SPAG16: variants seen among roughly 807,000 people sequenced by gnomAD.
SPAG16 encodes sperm associated antigen 16.
Under a neutral mutation model 80.4 loss-of-function variants are expected in SPAG16, and 86 were observed. The observed-to-expected ratio is 1.07, with a 90% CI of 0.90 to 1.28. SPAG16 has a LOEUF of 1.28. SPAG16 is among the 50% of genes most tolerant of loss of function. The pLI, the probability that SPAG16 is intolerant of heterozygous loss-of-function variation, is 0.00. For missense variants in SPAG16, 870 were observed against 765.3 expected (o/e 1.14, Z -1.61); for synonymous variants, 294 against 265.9 (o/e 1.11, Z -1.03).
intron 10 of SPAG16, among the ~76,000 whole-genome samples, chr2:213,542,818 T>C (rs1037559897): frequency 6.6e-6 from 1 of 152,140 alleles, no homozygotes; most frequent in Non-Finnish European, 1.5e-5. Context: ...TTACTTGAAT[T>C]GTGGAAACAT....
chr2:213,824,559 T>C (rs1401699154), intron 10 of SPAG16, among the ~76,000 whole-genome samples: 2 of 152,194 alleles, frequency 1.3e-5, no homozygotes, highest in Admixed American at 1.3e-4. Context: ...TGTAGATATA[T>C]GTATTTGTTT....
intron 9 of SPAG16, among the ~76,000 whole-genome samples, chr2:213,460,021 T>G (rs1285573229): frequency 6.6e-6 from 1 of 152,216 alleles, no homozygotes; most frequent in African/African-American, 2.4e-5. Context: ...ATCATATTCT[T>G]GGCCAGAGAT....
At chr2:213,288,786 G>A (rs545587064) in intron 1 of SPAG16, among the ~76,000 whole-genome samples, 19 of 152,050 alleles carry the variant, frequency 1.2e-4, no homozygotes, top group African/African-American at 4.3e-4. Context: ...GTTATAAAAT[G>A]GTACTTCTCT....
chr2:213,749,329 G>A (rs193015992), intron 10 of SPAG16, among the ~76,000 whole-genome samples: 1 of 151,406 alleles, frequency 6.6e-6, no homozygotes, highest in African/African-American at 2.4e-5. Flanking sequence ...ATATTTTTCT[G>A]TATTCTCCCA....
rs533652805 is a variant in SPAG16 at position 213,433,972 on chromosome 2, G to T, written c.943-55991G>T. Among the ~76,000 whole-genome samples, 65 of 134,936 alleles carry T rather than the reference G, an allele frequency of 4.8e-4. 1 individual carries two copies. Among genetic ancestry groups the T allele is most frequent in the African/African-American group, 1.8e-3 (63 of 35,854 alleles). The allele number at this position is 134,936 out of a possible 152,430, so 88.5% of individuals were successfully genotyped here. A position where few individuals can be genotyped will look rare whatever the true frequency, so the allele number is the denominator to read the frequency against. ...TCTCGTTCTTGTCACCCCGGCTAGA[G>T]TGCAATGGCCCTATTTTGGCTCACT... On this transcript the variant is annotated intron_variant, in intron 9 of 15. Coordinates refer to ENST00000331683, the MANE Select transcript of SPAG16 (RefSeq NM_024532.5).
intron 9 of SPAG16, among the ~76,000 whole-genome samples, chr2:213,433,241 G>A (rs1269569024): frequency 6.6e-6 from 1 of 151,480 alleles, no homozygotes; most frequent in Non-Finnish European, 1.5e-5. Flanking sequence ...ACTTAGAATG[G>A]AAGTCCTAGC....
Position 213,465,318 on chromosome 2 carries a change from C to G in SPAG16, c.943-24645C>G, listed in dbSNP as rs77063119. On this transcript the variant is annotated intron_variant, in intron 9 of 15. Coordinates refer to ENST00000331683, the MANE Select transcript of SPAG16 (RefSeq NM_024532.5). ...ACTCAGCTAGTTGAGCACTTGCACC[C>G]GAGAAAACAGGTGCACTCACAATAG... 1.5e-4 allele frequency among the ~76,000 whole-genome samples: 23 copies of G among 152,258 alleles called. No homozygotes were observed. In the East Asian group the frequency reaches 4.1e-3, roughly 27 times the overall value.
chr2:214,060,532 T>C lies in SPAG16; in HGVS notation c.1527+46455T>C, dbSNP rs183263249. Reference sequence around the variant, plus strand: ...ATAATGTATAATAACAATACAACCATAAATCTCTTGGAATGGAATTAATAA... The same window carrying C: ...ATAATGTATAATAACAATACAACCACAAATCTCTTGGAATGGAATTAATAA... On this transcript the variant is annotated intron_variant, in intron 13 of 15. Coordinates refer to ENST00000331683, the MANE Select transcript of SPAG16 (RefSeq NM_024532.5). 1.9e-3 allele frequency among the ~76,000 whole-genome samples: 292 copies of C among 152,210 alleles called. 2 individuals carry two copies. The highest frequency in any genetic ancestry group is 2.0e-3 in the Non-Finnish European group (136 of 67,996).
intron 10 of SPAG16, among the ~76,000 whole-genome samples, chr2:213,669,452 T>TA (rs1316891056): frequency 6.6e-6 from 1 of 152,154 alleles, no homozygotes; most frequent in African/African-American, 2.4e-5. Flanking sequence ...TTCCTCATTT[T>TA]AAAAAAATGA....
chr2:213,508,734 A>C (rs2075084526), intron 10 of SPAG16, among the ~76,000 whole-genome samples: 2 of 151,924 alleles, frequency 1.3e-5, no homozygotes, highest in Admixed American at 1.3e-4. Context: ...ACATGGACAC[A>C]GGAAGGGGAA....
intron 11 of SPAG16, among the ~76,000 whole-genome samples, chr2:213,871,814 C>G (rs1051411654): frequency 6.7e-6 from 1 of 150,054 alleles, no homozygotes; most frequent in Non-Finnish European, 1.5e-5. Context: ...GGAATACAGA[C>G]TTTACTGAAT....
intron 15 of SPAG16, among the ~76,000 whole-genome samples, chr2:214,258,618 T>G (rs527689450): frequency 1.5e-4 from 23 of 152,048 alleles, no homozygotes; most frequent in African/African-American, 4.1e-4. Flanking sequence ...GGGGCAAGTG[T>G]CTTTTTCATA....
intron 10 of SPAG16, among the ~76,000 whole-genome samples, chr2:213,726,619 C>T (rs1410004159): frequency 1.3e-5 from 2 of 152,190 alleles, no homozygotes; most frequent in African/African-American, 2.4e-5. Context: ...ATACGCACCA[C>T]ACTACACTGG....
chr2:213,576,338 G>T (rs1260590381), intron 10 of SPAG16, among the ~76,000 whole-genome samples: 1 of 152,110 alleles, frequency 6.6e-6, no homozygotes, highest in Non-Finnish European at 1.5e-5. Context: ...CTGTAGTGTA[G>T]TTTGAAGTCA....
At chr2:213,745,454 G>A (rs1448844490) in intron 10 of SPAG16, among the ~76,000 whole-genome samples, 1 of 152,084 alleles carries the variant, frequency 6.6e-6, no homozygotes, top group African/African-American at 2.4e-5. Flanking sequence ...TGTTGACTAG[G>A]CTGGTCTTGA....
At chr2:213,982,389 T>C (rs1057117580) in intron 12 of SPAG16, among the ~76,000 whole-genome samples, 1 of 152,008 alleles carries the variant, frequency 6.6e-6, no homozygotes, top group Non-Finnish European at 1.5e-5. Flanking sequence ...ATATTCTCAA[T>C]TTTACCGTTC....
In SPAG16 at chr2:213,890,252, C is replaced by T. The variant is rs192042400; in HGVS notation, c.1214+27624C>T. Among the ~76,000 whole-genome samples, 14 of 152,030 alleles carry T rather than the reference C, an allele frequency of 9.2e-5. 1 individual carries two copies. The Middle Eastern group carries it at 0.017, about 185-fold the overall frequency. ...CCAGAGACTGTGTGAGGAAAACACC[C>T]GAATATAGAACTGTAAAATCTAAAT... On this transcript the variant is annotated intron_variant, in intron 11 of 15. Coordinates refer to ENST00000331683, the MANE Select transcript of SPAG16 (RefSeq NM_024532.5).
intron 15 of SPAG16, among the ~76,000 whole-genome samples, chr2:214,223,035 A>C (rs1482236506): frequency 6.6e-6 from 1 of 152,218 alleles, no homozygotes; most frequent in Non-Finnish European, 1.5e-5. Context: ...TAATGTCAAA[A>C]ATTTTACCTT....
At chr2:213,612,809 G>A (rs2061479049) in intron 10 of SPAG16, among the ~76,000 whole-genome samples, 1 of 151,926 alleles carries the variant, frequency 6.6e-6, no homozygotes. Flanking sequence ...TTAGCCTCCC[G>A]AGTAGCTGGG....
Sources: allele counts gnomAD v4.1 joint callset (sites outside exome capture counted in the v4.1 genomes callset), GRCh38; gene constraint gnomAD v4.1.1; transcripts MANE v1.5; gene names NCBI Gene and HGNC (gene_info 2026-07-23, HGNC 2026-07-21).